Variants in LMF2 observed in about 807,000 individuals in gnomAD.
LMF2 encodes lipase maturation factor 2, also known as transmembrane protein 112B.
LMF2 carries 113 observed loss-of-function variants against 81.5 expected under a neutral mutation model. The ratio of observed to expected loss-of-function variants is 1.39; its 90% CI spans 1.19 to 1.62. The LOEUF is 1.62. Among genes scored for constraint, LMF2 ranks in the 40% most tolerant of loss-of-function variants. The pLI, the probability that LMF2 is intolerant of heterozygous loss-of-function variation, is 0.00. For synonymous variants in LMF2, 645 were observed against 424.5 expected, an observed-to-expected ratio of 1.52 and a Z score of -6.39; for missense variants, 1,235 against 929.1, an observed-to-expected ratio of 1.33 and a Z score of -4.28.
At position 50,506,176 on chromosome 22, in the gene LMF2, C is replaced by T. The variant is rs376628656; in HGVS notation, c.633G>A (p.Thr211=). 6 of 1,562,876 alleles carry T rather than the reference C, an allele frequency of 3.8e-6. No homozygotes were observed. Among genetic ancestry groups the T allele is most frequent in the Non-Finnish European group, 5.2e-6 (6 of 1,153,820 alleles). ...GGTGGTGTGCGAACCAGGCGGCGGG[C>T]GTGGGCAGGCACTGGGTCTCGTAGT... The part of the protein sequence containing the change: ...TYHYETQCLP[T]PAAWFAHHLP... Residue 211 remains threonine, a synonymous_variant, in exon 5 of 14, where the codon ACG becomes ACA. Transcript: ENST00000474879.
At position 50,505,235 on chromosome 22, in the gene LMF2, A is replaced by G. The variant is rs1219890090; in HGVS notation, c.1151T>C (p.Leu384Pro). 6.2e-7 allele frequency: 1 copy of G among 1,613,060 alleles called. No individual in the cohort carries two copies. The highest frequency in any genetic ancestry group is 2.2e-5 in the East Asian group (1 of 44,884). Residue 384 changes from leucine (L) to proline (P), a missense_variant, in exon 8 of 14, where the codon CTG (leucine) becomes CCG (proline). Leu to Pro is a moderately conservative substitution (Grantham distance 98). Coordinates refer to ENST00000474879, the MANE Select transcript of LMF2 (RefSeq NM_033200.3). ...TGCTTCCTGGGCCATGTACCTCCAC[A>G]GGGCACTCAGCAGCTCCCAGACCAG... The part of the protein sequence containing the change: ...ASLVWELLSA[L>P]WRWTQVRGWL...
In LMF2 at chr22:50,505,725, G is replaced by C. The variant is rs555151479; in HGVS notation, c.865C>G (p.Gln289Glu). The part of the protein sequence containing the change: ...LVLTTALLDD[Q>E]HLAAEPGHGS... ...TGGCCAGGCTCAGCAGCCAGGTGCT[G>C]GTCGTCCAGCAGCGCAGTGGTAAGC... The change falls in exon 6 of 14, where the codon CAG becomes GAG. Residue 289 changes from glutamine (Q) to glutamate (E), a missense_variant. Physicochemically the swap from Gln to Glu is conservative, Grantham distance 29 (BLOSUM62 2). Coordinates refer to ENST00000474879, the MANE Select transcript of LMF2 (RefSeq NM_033200.3). 1.2e-6 allele frequency: 2 copies of C among 1,613,046 alleles called. No homozygotes were observed. Among genetic ancestry groups the C allele is most frequent in the African/African-American group, 2.7e-5 (2 of 75,048 alleles).
At chr22:50,506,560 A>G in intron 3 of LMF2, 58 bp from the exon 4 acceptor site, 10 of 1,585,198 alleles carry the variant, frequency 6.3e-6, no homozygotes, top group Non-Finnish European at 8.6e-6. Context: ...TTCCCTCGGA[A>G]AGTCCTCCCA....
intron 2 of LMF2, 35 bp downstream of exon 2, chr22:50,506,747 G>A (rs1225371514): frequency 6.2e-7 from 1 of 1,612,148 alleles, no homozygotes; most frequent in Non-Finnish European, 8.5e-7. Flanking sequence ...GGTGGGGGTT[G>A]GAGATAGAGT....
rs2068461286 is a variant in LMF2, at chr22:50,503,526, G to A, written c.1989C>T (p.Ser663=). 3 of 1,571,824 alleles carry A rather than the reference G, an allele frequency of 1.9e-6. No individual in the cohort carries two copies. The highest frequency in any genetic ancestry group is 1.7e-6 in the Non-Finnish European group (2 of 1,162,888). The change falls in exon 14 of 14, where the codon TCC becomes TCT. Residue 663 remains serine, a synonymous_variant. Transcript: ENST00000474879. ...QALLAPCSLR[S]SPLAPVSGEK... Reference sequence around the variant, plus strand: ...CCCCGCTGACTGGTGCCAGCGGGGAGGACCGGAGAGAACAGGGTGCTAGCA... The same window carrying A: ...CCCCGCTGACTGGTGCCAGCGGGGAAGACCGGAGAGAACAGGGTGCTAGCA...
rs146257188 is a variant in LMF2, at chr22:50,505,456, T to C, written c.998A>G (p.His333Arg). Residue 333 changes from histidine to arginine, a missense_variant, in exon 7 of 14, where the codon CAC becomes CGC. Physicochemically the swap from His to Arg is conservative, Grantham distance 29. Transcript: ENST00000474879. Reference protein sequence around the residue: ...VYGLLAYGTVHYFGLEVDWQQ... With the variant: ...VYGLLAYGTVRYFGLEVDWQQ... Reference sequence around the variant, plus strand: ...CCAGTCAACCTCCAGGCCAAAGTAGTGCACAGTGCCATAGGCCAGAAGCCC... The same window carrying C: ...CCAGTCAACCTCCAGGCCAAAGTAGCGCACAGTGCCATAGGCCAGAAGCCC... 7.3e-5 allele frequency: 118 copies of C among 1,612,930 alleles called. No individual in the cohort carries two copies. The highest frequency in any genetic ancestry group is 9.3e-5 in the Non-Finnish European group (110 of 1,180,024).
rs1569517791 is a variant in LMF2 at position 50,503,393 on chromosome 22, ACTT to A, written c.2119_2121del (p.Lys707del). 29 of 1,610,174 alleles carry A rather than the reference ACTT, an allele frequency of 1.8e-5. No homozygotes were observed. In the Middle Eastern group the frequency reaches 4.9e-4, roughly 27 times the overall value. ...GACGTGCAGCTGGGAGAACACAGCT[ACTT>A]CTTTCGCCGGGTGGTCCTCGAACTA... is the stretch of plus-strand genomic sequence containing the variant. On this transcript the variant is annotated inframe_deletion, in exon 14 of 14. Transcript: ENST00000474879.
chr22:50,505,140 G>A lies in LMF2; in HGVS notation c.1171C>T (p.Arg391Trp), dbSNP rs778224974. ...GCACTGAGCTTCCGTAGCCAGCCCC[G>A]CACCTGGGTCCACCTGTGGGCAAGG... ...LSALWRWTQV[R>W]GWLRKLSAVV... Residue 391 changes from arginine to tryptophan, a missense_variant, in exon 9 of 14, where the codon CGG becomes TGG. By Grantham distance (101) the Arg-to-Trp change is moderately radical (BLOSUM62 -3). Coordinates refer to ENST00000474879, the MANE Select transcript of LMF2 (RefSeq NM_033200.3). 6.8e-6 allele frequency: 11 copies of A among 1,612,790 alleles called. No homozygotes were observed. The highest frequency in any genetic ancestry group is 2.7e-5 in the African/African-American group (2 of 74,910).
intron 3 of LMF2, 23 bp from the exon 4 acceptor site, chr22:50,506,525 C>T (rs772876054): frequency 3.5e-5 from 55 of 1,565,130 alleles, no homozygotes; most frequent in Non-Finnish European, 4.4e-5. Flanking sequence ...CAAATAGCAC[C>T]AAGAGCCCCT....
Position 50,507,656 on chromosome 22 carries a change from G to A in LMF2, c.20C>T (p.Pro7Leu). 3 of 1,550,422 alleles carry A rather than the reference G, an allele frequency of 1.9e-6. No homozygotes were observed. The highest frequency in any genetic ancestry group is 2.6e-6 in the Non-Finnish European group (3 of 1,147,398). ...CACGCCCTGGAGGAAGAGCTGCCGC[G>A]GGAGCCGGGAGCCCGCCATGTCCGC... is the stretch of plus-strand genomic sequence containing the variant. MAGSRL[P>L]RQLFLQGVAA... The change falls in exon 1 of 14, where the codon CCG (proline) becomes CTG (leucine). Residue 7 changes from proline to leucine, a missense_variant. Pro to Leu is a moderately conservative substitution (Grantham distance 98). Coordinates refer to ENST00000474879, the MANE Select transcript of LMF2 (RefSeq NM_033200.3).
At chr22:50,506,591 C>G (rs547145442) in intron 3 of LMF2, 47 bp downstream of exon 3, 12 of 1,600,342 alleles carry the variant, frequency 7.5e-6, no homozygotes, top group African/African-American at 5.4e-5. Flanking sequence ...AGCCCTCCCC[C>G]ACCCCCTACC....
At chr22:50,504,533 C>T in intron 11 of LMF2, 26 bp downstream of exon 11, 1 of 1,493,420 alleles carries the variant, frequency 6.7e-7, no homozygotes, top group Non-Finnish European at 9.0e-7. Flanking sequence ...CCAGCCCACT[C>T]CACACCCCCC....
In LMF2 at chr22:50,503,046, C is replaced by T. The variant is rs1603438888; in HGVS notation, c.*345G>A. Reference sequence around the variant, plus strand: ...GAAGATGACAGTGCTTCCCCTCTTCCCCTGGGAGTCAGCCTCTTCCCCTCT... The same window carrying T: ...GAAGATGACAGTGCTTCCCCTCTTCTCCTGGGAGTCAGCCTCTTCCCCTCT... On this transcript the variant is annotated 3_prime_UTR_variant, in exon 14 of 14. Coordinates refer to ENST00000474879, the MANE Select transcript of LMF2 (RefSeq NM_033200.3). 2 of 287,502 alleles carry T rather than the reference C, an allele frequency of 7.0e-6. No homozygotes were observed. The highest frequency in any genetic ancestry group is 6.5e-6 in the Non-Finnish European group (1 of 153,824). 17.8% of individuals were successfully genotyped at this position (287,502 alleles called of 1,614,324 possible). A position where few individuals can be genotyped will look rare whatever the true frequency, so the allele number is the denominator to read the frequency against.
chr22:50,506,548 G>T, intron 3 of LMF2, 46 bp from the exon 4 acceptor site: 1 of 1,579,206 alleles, frequency 6.3e-7, no homozygotes. Context: ...CCACACAGCT[G>T]CTTCCCTCGG....
In LMF2 at chr22:50,505,680, C is replaced by T. The variant is rs1275473618; in HGVS notation, c.910G>A (p.Ala304Thr). The change falls in exon 6 of 14, where the codon GCC (alanine) becomes ACC (threonine). Residue 304 changes from alanine to threonine, a missense_variant. Physicochemically the swap from Ala to Thr is moderately conservative, Grantham distance 58 (BLOSUM62 0). Transcript: ENST00000474879. ...EPGHGSRKKTATSWPKALLAT... is the reference protein window; with the variant it reads ...EPGHGSRKKTTTSWPKALLAT... Reference sequence around the variant, plus strand: ...CTGGACAAGTGACACGCACAGGTGGCCGTCTTCTTGCGGCTGCCGTGGCCA... The same window carrying T: ...CTGGACAAGTGACACGCACAGGTGGTCGTCTTCTTGCGGCTGCCGTGGCCA... 1 of 1,612,864 alleles carries T rather than the reference C, an allele frequency of 6.2e-7. No individual in the cohort carries two copies. Among genetic ancestry groups the T allele is most frequent in the Non-Finnish European group, 8.5e-7 (1 of 1,179,900 alleles).
At position 50,505,312 on chromosome 22, in the gene LMF2, A is replaced by C; in HGVS notation, c.1074T>G (p.Ser358=). 2.5e-6 allele frequency: 4 copies of C among 1,613,306 alleles called. No homozygotes were observed. Among genetic ancestry groups the C allele is most frequent in the Non-Finnish European group, 3.4e-6 (4 of 1,180,020 alleles). Residue 358 remains serine (S), a synonymous_variant, in exon 8 of 14, where the codon TCT becomes TCG. Transcript: ENST00000474879. ...GCAGCGTCAGTGTCTTCAGCCACTG[A>C]GAAAACTGGTGGAAGGTGAAAGCTG... ...SRTTFTFHQF[S]QWLKTLTLPT...
At chr22:50,507,320 G>A (rs1454270980) in intron 1 of LMF2, 3 of 608,644 alleles carry the variant, frequency 4.9e-6, no homozygotes, top group Non-Finnish European at 8.7e-6. Flanking sequence ...GTCCCACCAG[G>A]TCTGGGAGGA....
In LMF2 at chr22:50,505,545, G is replaced by C. The variant is rs937431548; in HGVS notation, c.917-8C>G. On this transcript the variant is annotated splice_region_variant and splice_polypyrimidine_tract_variant and intron_variant, in intron 6 of 13. Coordinates refer to ENST00000474879, the MANE Select transcript of LMF2 (RefSeq NM_033200.3). ...GCAGGGCCTTGGGCCAGGCTGTGGG[G>C]CAGGACAGTCATGGGTCAGCAGAGG... is the stretch of plus-strand genomic sequence containing the variant. The C allele has an allele frequency of 6.2e-7, 1 of 1,612,348 alleles. No individual in the cohort carries two copies. The highest frequency in any genetic ancestry group is 8.5e-7 in the Non-Finnish European group (1 of 1,179,992).
chr22:50,504,650 G>A lies in LMF2; in HGVS notation c.1515C>T (p.Asp505=), dbSNP rs1206677376. Residue 505 remains aspartate, a synonymous_variant, in exon 11 of 14, where the codon GAC becomes GAT. Coordinates refer to ENST00000474879, the MANE Select transcript of LMF2 (RefSeq NM_033200.3). ...PVVVPHQPRL[D]WQMWFAALGP... ...CCAGGGCTGCAAACCACATCTGCCA[G>A]TCCAGGCGTGGCTGGTGGGGCACCA... 3 of 1,609,020 alleles carry A rather than the reference G, an allele frequency of 1.9e-6. No individual in the cohort carries two copies. The highest frequency in any genetic ancestry group is 2.5e-6 in the Non-Finnish European group (3 of 1,179,392).
Sources: gnomAD v4.1 joint callset for allele counts on GRCh38, gnomAD v4.1.1 for gene constraint, MANE v1.5 for transcripts, NCBI Gene and HGNC (gene_info 2026-07-23, HGNC 2026-07-21) for gene names.